VAV2: variants seen among roughly 807,000 people sequenced by gnomAD.
VAV2 encodes the protein guanine nucleotide exchange factor VAV2.
Under a neutral mutation model 132.5 loss-of-function variants are expected in VAV2, and 67 were observed. The ratio of observed to expected loss-of-function variants is 0.51; its 90% CI spans 0.42 to 0.62. The LOEUF (loss-of-function observed/expected upper bound fraction) is 0.62. VAV2 is among the 20% of genes least tolerant of loss of function. The probability of loss-of-function intolerance (pLI) is 0.00; values close to 1 mark genes in which losing one functional copy is unlikely to be tolerated. For missense variants in VAV2, 938 were observed against 1,153.6 expected (o/e 0.81, Z 2.71); for synonymous variants, 492 against 443.5 (o/e 1.11, Z -1.37).
intron 13 of VAV2, among the ~76,000 whole-genome samples, chr9:133,789,954 C>T (rs1166373022): frequency 3.3e-5 from 5 of 152,242 alleles, no homozygotes; most frequent in African/African-American, 1.2e-4. Flanking sequence ...GAACAGGGCC[C>T]TGCCTGGGAG....
chr9:133,969,781 A>C lies in VAV2; in HGVS notation c.204+22294T>G, dbSNP rs1265673156. On this transcript the variant is annotated intron_variant, in intron 1 of 29. Transcript: ENST00000371850. This position sits in a 1 kb window ranked among gnomAD's most constrained non-coding sequence, Gnocchi z 5.1. ...TCTCTCCATTCCCACTTCTCTCCCC[A>C]CCCCCCAGCCTGGACACCCCCATCT... Among the ~76,000 whole-genome samples, 7 of 145,090 alleles carry C rather than the reference A, an allele frequency of 4.8e-5. No individual in the cohort carries two copies. Among genetic ancestry groups the C allele is most frequent in the Admixed American group, 6.8e-5 (1 of 14,660 alleles).
rs1173290193 is a variant in VAV2 at position 133,925,689 on chromosome 9, G to T, written c.321+13414C>A. Among the ~76,000 whole-genome samples, 3 of 152,226 alleles carry T rather than the reference G, an allele frequency of 2.0e-5. No individual in the cohort carries two copies. The East Asian group carries it at 5.8e-4, about 29-fold the overall frequency. ...CCACACACTTTGTCATTCCAGAGCCGCTGCCTTCCCCAGCCCTAAGGGCCT... is the reference window on the plus strand; with the variant it reads ...CCACACACTTTGTCATTCCAGAGCCTCTGCCTTCCCCAGCCCTAAGGGCCT... On this transcript the variant is annotated intron_variant, in intron 2 of 29. Coordinates refer to ENST00000371850, the MANE Select transcript of VAV2 (RefSeq NM_001134398.2).
intron 2 of VAV2, among the ~76,000 whole-genome samples, chr9:133,880,859 A>C (rs1838463279): frequency 6.6e-6 from 1 of 152,274 alleles, no homozygotes; most frequent in African/African-American, 2.4e-5. Flanking sequence ...GGTGGGCAGC[A>C]GGTCAGCTTC....
chr9:133,871,771 A>C (rs1838065444), intron 2 of VAV2, among the ~76,000 whole-genome samples: 1 of 152,142 alleles, frequency 6.6e-6, no homozygotes, highest in Non-Finnish European at 1.5e-5. Context: ...ACATGACTCG[A>C]CCAAGGTCTC....
rs1372783244 is a variant in VAV2 at position 133,840,693 on chromosome 9, G to A, written c.381-6353C>T. The stretch of plus-strand genomic sequence containing the variant: ...CCCCGGGGAATTACGGGGCACCTGC[G>A]TGGGGCTGGCATGGGCGGCCATTTG... On this transcript the variant is annotated intron_variant, in intron 3 of 29. Transcript: ENST00000371850. The surrounding 1 kb of genome is among the most constrained non-coding windows in gnomAD (Gnocchi z 4.5). 1.3e-5 allele frequency among the ~76,000 whole-genome samples: 2 copies of A among 152,242 alleles called. No individual in the cohort carries two copies. The highest frequency in any genetic ancestry group is 2.9e-5 in the Non-Finnish European group (2 of 68,046).
Position 133,879,300 on chromosome 9 carries a change from A to G in VAV2, c.322-17868T>C, listed in dbSNP as rs756042462. Reference sequence around the variant, plus strand: ...TGCTAGGGTGACCTCTGGAGCTCCAAGGAACCAGCAGGGTGTGATCAATGC... The same window carrying G: ...TGCTAGGGTGACCTCTGGAGCTCCAGGGAACCAGCAGGGTGTGATCAATGC... On this transcript the variant is annotated intron_variant, in intron 2 of 29. Transcript: ENST00000371850. This position sits in a 1 kb window ranked among gnomAD's most constrained non-coding sequence, Gnocchi z 4.4. Among the ~76,000 whole-genome samples the G allele has an allele frequency of 5.6e-4, 85 of 151,162 alleles. No homozygotes were observed. Among genetic ancestry groups the G allele is most frequent in the Non-Finnish European group, 1.1e-3 (73 of 67,426 alleles).
chr9:133,980,856 G>C (rs1842669610), intron 1 of VAV2, among the ~76,000 whole-genome samples: 1 of 152,126 alleles, frequency 6.6e-6, no homozygotes, highest in Non-Finnish European at 1.5e-5. Context: ...AGCGCCTCCA[G>C]TCTGTGGCCA....
At chr9:133,871,300 G>C (rs912813824) in intron 2 of VAV2, among the ~76,000 whole-genome samples, 1 of 151,144 alleles carries the variant, frequency 6.6e-6, no homozygotes, top group Non-Finnish European at 1.5e-5. Flanking sequence ...GGATAAGTGG[G>C]TGGGTGGATG....
rs920340379 is a variant in VAV2 at position 133,912,727 on chromosome 9, G to T, written c.321+26376C>A. On this transcript the variant is annotated intron_variant, in intron 2 of 29. Transcript: ENST00000371850. The surrounding 1 kb of genome is among the most constrained non-coding windows in gnomAD (Gnocchi z 4.3). ...AGTCACCGGTGGTTGACTATTAGGG[G>T]GGATAGTTGTGTTCTTTTATTTCTG... Among the ~76,000 whole-genome samples the T allele has an allele frequency of 4.6e-5, 7 of 152,098 alleles. No individual in the cohort carries two copies. Among genetic ancestry groups the T allele is most frequent in the South Asian group, 2.1e-4 (1 of 4,822 alleles).
chr9:133,981,124 G>A (rs1564522908), intron 1 of VAV2, among the ~76,000 whole-genome samples: 1 of 152,202 alleles, frequency 6.6e-6, no homozygotes, highest in Admixed American at 6.5e-5. Flanking sequence ...GACGGGGTGA[G>A]GCCCCTTCTT....
Position 133,788,601 on chromosome 9 carries a change from C to G in VAV2, c.1275-115G>C. On this transcript the variant is annotated intron_variant, in intron 14 of 29. Transcript: ENST00000371850. The surrounding 1 kb of genome is among the most constrained non-coding windows in gnomAD (Gnocchi z 5.3). ...CACGCGGCTCCCTCTCCGGGCGAGC[C>G]CTGCCCTCACCTGGCTCACCAGGCT... is the stretch of plus-strand genomic sequence containing the variant. 1 of 1,403,366 alleles carries G rather than the reference C, an allele frequency of 7.1e-7. No homozygotes were observed. The highest frequency in any genetic ancestry group is 2.0e-5 in the Admixed American group (1 of 49,404). 86.9% of individuals were successfully genotyped at this position (1,403,366 alleles called of 1,614,324 possible).
intron 1 of VAV2, among the ~76,000 whole-genome samples, chr9:133,982,756 G>A (rs957103660): frequency 6.6e-6 from 1 of 152,180 alleles, no homozygotes; most frequent in Non-Finnish European, 1.5e-5. Context: ...AGGTTTTTAC[G>A]TTTTTAAATG....
At chr9:133,822,642 C>T (rs957303331) in intron 4 of VAV2, among the ~76,000 whole-genome samples, 5 of 152,182 alleles carry the variant, frequency 3.3e-5, no homozygotes, top group Admixed American at 2.0e-4. Context: ...ACCCAGCTCG[C>T]CAAGCCACAT....
At chr9:133,989,053 T>C (rs941027677) in intron 1 of VAV2, among the ~76,000 whole-genome samples, 2 of 151,848 alleles carry the variant, frequency 1.3e-5, no homozygotes, top group Admixed American at 6.6e-5. Context: ...CTACTAAAAA[T>C]ATAGGCTGGG....
intron 4 of VAV2, among the ~76,000 whole-genome samples, chr9:133,812,698 CAA>C (rs1465673582): frequency 6.6e-6 from 1 of 152,172 alleles, no homozygotes; most frequent in Non-Finnish European, 1.5e-5. Context: ...ATCCAAGGTG[CAA>C]AGTTTCCGGG....
intron 1 of VAV2, among the ~76,000 whole-genome samples, chr9:133,946,660 C>A (rs557798832): frequency 9.2e-5 from 14 of 152,244 alleles, no homozygotes; most frequent in Non-Finnish European, 1.6e-4. Flanking sequence ...GGCCACAATG[C>A]TGCGTCGTGC....
At chr9:133,902,612 G>T (rs1839487050) in intron 2 of VAV2, among the ~76,000 whole-genome samples, 1 of 152,148 alleles carries the variant, frequency 6.6e-6, no homozygotes, top group Admixed American at 6.5e-5. Context: ...GAAAAATGAG[G>T]GAGTGTTTCG....
intron 1 of VAV2, among the ~76,000 whole-genome samples, chr9:133,949,573 A>G (rs1037578121): frequency 6.6e-6 from 1 of 152,102 alleles, no homozygotes; most frequent in Middle Eastern, 3.2e-3. Context: ...GCCCCCTCGA[A>G]TGGCGGGTCA....
chr9:133,951,040 G>T (rs988924253), intron 1 of VAV2, among the ~76,000 whole-genome samples: 2 of 152,182 alleles, frequency 1.3e-5, no homozygotes, highest in African/African-American at 4.8e-5. Context: ...CAGTCTGAAG[G>T]AACGATTCTC....
Sources: allele counts gnomAD v4.1 joint callset (sites outside exome capture counted in the v4.1 genomes callset), GRCh38; gene constraint gnomAD v4.1.1; non-coding constraint Gnocchi (gnomAD v3.1); transcripts MANE v1.5; gene names NCBI Gene and HGNC (gene_info 2026-07-23, HGNC 2026-07-21).